Variants in AP3B2 observed in about 807,000 individuals in gnomAD.
The protein encoded by AP3B2 is AP-3 complex subunit beta-2.
AP3B2 carries 50 observed loss-of-function variants against 126.9 expected under a neutral mutation model. That is an observed-to-expected ratio of 0.39 (90% CI 0.31 to 0.50). The LOEUF is 0.50. Among genes scored for constraint, AP3B2 ranks in the 20% least tolerant of loss-of-function variants. AP3B2 has a pLI of 0.79. For missense variants in AP3B2, 1,177 were observed against 1,426.4 expected, an observed-to-expected ratio of 0.83 and a Z score of 2.82; for synonymous variants, 541 against 565.0, an observed-to-expected ratio of 0.96 and a Z score of 0.60.
rs570685247 is a variant in AP3B2, at chr15:82,665,744, C to G, written c.1853-169G>C. Among the ~76,000 whole-genome samples the G allele has an allele frequency of 1.3e-5, 2 of 152,304 alleles. No homozygotes were observed. The highest frequency in any genetic ancestry group is 3.9e-4 in the East Asian group (2 of 5,178). The stretch of plus-strand genomic sequence containing the variant: ...CTTCCACCCTGACTGCACCTTTAGG[C>G]CCACATGCTGGAAGAAAAGGCTGTC... On this transcript the variant is annotated intron_variant, in intron 15 of 26. Coordinates refer to ENST00000535359, the MANE Select transcript of AP3B2 (RefSeq NM_001278512.2). The surrounding 1 kb of genome is among the most constrained non-coding windows in gnomAD (Gnocchi z 4.4).
chr15:82,682,599 AC>A (rs1479375819), intron 4 of AP3B2, among the ~76,000 whole-genome samples: 2 of 152,058 alleles, frequency 1.3e-5, no homozygotes, highest in Non-Finnish European at 2.9e-5. Flanking sequence ...GCTTATAGTT[AC>A]AGCTGCTTGG....
In AP3B2 at chr15:82,659,881, A is replaced by AG; in HGVS notation, c.3118dup (p.Leu1040ProfsTer10). ...AGATGTCCCACAAGGAACACGACCC[A>AG]GGTTGGCAGTGGCAGTCACTTTCTG... On this transcript the variant is annotated frameshift_variant, in exon 26 of 27. Transcript: ENST00000535359. LOFTEE classifies it high-confidence loss of function. 1 of 1,613,952 alleles carries AG rather than the reference A, an allele frequency of 6.2e-7. No individual in the cohort carries two copies. The highest frequency in any genetic ancestry group is 1.1e-5 in the South Asian group (1 of 91,086).
At chr15:82,671,712 GC>G (rs2048162229) in intron 14 of AP3B2, among the ~76,000 whole-genome samples, 1 of 150,268 alleles carries the variant, frequency 6.7e-6, no homozygotes, top group Non-Finnish European at 1.5e-5. Flanking sequence ...TTGCACTCCA[GC>G]CTGGGAAAAA....
intron 14 of AP3B2, among the ~76,000 whole-genome samples, chr15:82,670,003 C>CAAA (rs964942203): frequency 1.8e-4 from 2 of 11,136 alleles, no homozygotes; most frequent in African/African-American, 7.2e-4. Flanking sequence ...AACTCCATCT[C>CAAA]AAAAAAAAAA....
At chr15:82,692,469 A>G in intron 1 of AP3B2, 1 of 294,498 alleles carries the variant, frequency 3.4e-6, no homozygotes, top group Non-Finnish European at 6.2e-6. Context: ...GGTACTTTTG[A>G]TACAGGAGTG....
intron 1 of AP3B2, among the ~76,000 whole-genome samples, chr15:82,691,475 T>A (rs1278450937): frequency 1.3e-5 from 2 of 152,170 alleles, no homozygotes; most frequent in African/African-American, 2.4e-5. Flanking sequence ...CGGAACTGAT[T>A]TTTTACCCAT....
chr15:82,680,732 C>T lies in AP3B2; in HGVS notation c.795G>A (p.Ala265=), dbSNP rs1311633786. ...CCTCTGAGCCGTAGAAGGCTTTTTCCGCGTTCTCCTCTAGTAGGGATTCCT... is the reference window on the plus strand; with the variant it reads ...CCTCTGAGCCGTAGAAGGCTTTTTCTGCGTTCTCCTCTAGTAGGGATTCCT... ...TQNESLLEEN[A]EKAFYGSEED... is the part of the protein sequence containing the mutation. The change falls in exon 8 of 27, where the codon GCG becomes GCA. Residue 265 remains alanine, a synonymous_variant. Coordinates refer to ENST00000535359, the MANE Select transcript of AP3B2 (RefSeq NM_001278512.2). This position sits in a 1 kb window ranked among gnomAD's most constrained non-coding sequence, Gnocchi z 6.1. 3 of 1,567,390 alleles carry T rather than the reference C, an allele frequency of 1.9e-6. No individual in the cohort carries two copies. The South Asian group carries it at 3.5e-5, about 18-fold the overall frequency.
chr15:82,707,627 T>C (rs2048817257), intron 1 of AP3B2, among the ~76,000 whole-genome samples: 1 of 152,170 alleles, frequency 6.6e-6, no homozygotes, highest in Non-Finnish European at 1.5e-5. Flanking sequence ...AAATAAATAA[T>C]CTTTGCTGGC....
chr15:82,680,659 C>T lies in AP3B2; in HGVS notation c.868G>A (p.Ala290Thr). Reference protein sequence around the residue: ...AGSEETAAAAAPSRKPYVMDP... With the variant: ...AGSEETAAAATPSRKPYVMDP... ...ATGACATAGGGCTTTCGGGAGGGGGCGGCCGCGGCGGCCGTCTCCTCAGAC... is the reference window on the plus strand; with the variant it reads ...ATGACATAGGGCTTTCGGGAGGGGGTGGCCGCGGCGGCCGTCTCCTCAGAC... Residue 290 changes from alanine (A) to threonine (T), a missense_variant, in exon 8 of 27, where the codon GCC becomes ACC. Around this residue, in one of 5 missense-constraint regions of AP3B2, gnomAD observed 103 missense variants for 101.4 expected, o/e 1.02. Transcript: ENST00000535359. The surrounding 1 kb of genome is among the most constrained non-coding windows in gnomAD (Gnocchi z 6.1). The T allele has an allele frequency of 1.3e-6, 2 of 1,579,244 alleles. No individual in the cohort carries two copies. Among genetic ancestry groups the T allele is most frequent in the Non-Finnish European group, 8.6e-7 (1 of 1,167,776 alleles).
chr15:82,688,729 C>T lies in AP3B2; in HGVS notation c.360+7G>A, dbSNP rs1469176151. The T allele has an allele frequency of 6.2e-7, 1 of 1,607,932 alleles. No individual in the cohort carries two copies. The highest frequency in any genetic ancestry group is 2.2e-5 in the East Asian group (1 of 44,656). On this transcript the variant is annotated splice_region_variant and intron_variant, in intron 4 of 26. Transcript: ENST00000535359. ...CAGGCCCTGGGAGGCAAACTGAGAC[C>T]CCTGACCTTTAGGCCACGTTGGAAG... is the stretch of plus-strand genomic sequence containing the variant.
At chr15:82,709,505 C>A in intron 1 of AP3B2, 89 bp downstream of exon 1, 1 of 929,220 alleles carries the variant, frequency 1.1e-6, no homozygotes, top group Non-Finnish European at 1.4e-6. Flanking sequence ...GGGGCCGGCG[C>A]TGGGGCCGGG....
At chr15:82,705,889 T>A (rs1210099070) in intron 1 of AP3B2, among the ~76,000 whole-genome samples, 1 of 152,052 alleles carries the variant, frequency 6.6e-6, no homozygotes, top group Non-Finnish European at 1.5e-5. Context: ...ACCCCACAGA[T>A]CCTAAATCCT....
At chr15:82,695,532 G>T (rs1034082938) in intron 1 of AP3B2, among the ~76,000 whole-genome samples, 1 of 152,098 alleles carries the variant, frequency 6.6e-6, no homozygotes, top group Non-Finnish European at 1.5e-5. Context: ...ATAGGGTTTC[G>T]AGAGCTTCCA....
At chr15:82,677,880 A>G (rs1332533633) in intron 11 of AP3B2, 77 bp from the exon 12 acceptor site, 3 of 1,492,408 alleles carry the variant, frequency 2.0e-6, no homozygotes, top group East Asian at 2.3e-5. Flanking sequence ...GTGGCCTTTC[A>G]TTTTATGGCT....
chr15:82,680,508 A>T lies in AP3B2; in HGVS notation c.1019T>A (p.Ile340Asn). 6.5e-7 allele frequency: 1 copy of T among 1,529,944 alleles called. No individual in the cohort carries two copies. Among genetic ancestry groups the T allele is most frequent in the Non-Finnish European group, 8.7e-7 (1 of 1,143,342 alleles). 94.8% of individuals were successfully genotyped at this position (1,529,944 alleles called of 1,614,324 possible). The change falls in exon 8 of 27, where the codon ATC becomes AAC. Residue 340 changes from isoleucine to asparagine, a missense_variant. Physicochemically the swap from Ile to Asn is moderately radical, Grantham distance 149. This residue lies in a region of AP3B2 where 308 missense variants were observed against 452.4 expected (regional missense o/e 0.68). Coordinates refer to ENST00000535359, the MANE Select transcript of AP3B2 (RefSeq NM_001278512.2). This position sits in a 1 kb window ranked among gnomAD's most constrained non-coding sequence, Gnocchi z 6.1. ...CAGCAGGCGCACCAGCGCCTTGGCGATGACGCCCACTTCCGCCTTGGGCGC... is the reference window on the plus strand; with the variant it reads ...CAGCAGGCGCACCAGCGCCTTGGCGTTGACGCCCACTTCCGCCTTGGGCGC... ...HLAPKAEVGV[I>N]AKALVRLLRS...
Position 82,679,035 on chromosome 15 carries a change from G to T in AP3B2, c.1182+694C>A, listed in dbSNP as rs1567264554. On this transcript the variant is annotated intron_variant, in intron 10 of 26. Coordinates refer to ENST00000535359, the MANE Select transcript of AP3B2 (RefSeq NM_001278512.2). ...AGCCTGAGGGGGCAGGTGTGTGGGG[G>T]CCATAACACTGTGGGTGGGAGAGAA... is the stretch of plus-strand genomic sequence containing the variant. 4.6e-5 allele frequency among the ~76,000 whole-genome samples: 7 copies of T among 152,210 alleles called. No homozygotes were observed. The South Asian group carries it at 1.2e-3, about 27-fold the overall frequency.
intron 1 of AP3B2, among the ~76,000 whole-genome samples, chr15:82,703,808 G>C (rs1343981790): frequency 6.6e-6 from 1 of 151,922 alleles, no homozygotes; most frequent in East Asian, 1.9e-4. Flanking sequence ...CCAACCCCAA[G>C]CGTCGCTGCG....
At chr15:82,673,440 A>T (rs1204986205) in intron 14 of AP3B2, among the ~76,000 whole-genome samples, 1 of 152,244 alleles carries the variant, frequency 6.6e-6, no homozygotes, top group East Asian at 1.9e-4. Flanking sequence ...TCTTGAATTC[A>T]TGACCTCAAA....
intron 10 of AP3B2, among the ~76,000 whole-genome samples, chr15:82,679,484 T>C (rs951888462): frequency 1.3e-5 from 2 of 152,156 alleles, no homozygotes; most frequent in African/African-American, 4.8e-5. Context: ...TGAGGTGATA[T>C]CAGGTTACTT....
Sources: allele counts gnomAD v4.1 joint callset (sites outside exome capture counted in the v4.1 genomes callset), GRCh38; gene constraint gnomAD v4.1.1; regional missense constraint gnomAD v4.1.1; non-coding constraint Gnocchi (gnomAD v3.1); transcripts MANE v1.5; gene names NCBI Gene and HGNC (gene_info 2026-07-23, HGNC 2026-07-21).